The following FAIM2 variants were observed in gnomAD, a reference collection of about 807,000 sequenced individuals.
FAIM2 encodes protein lifeguard 2.
A neutral mutation model predicts 47.4 loss-of-function variants in FAIM2; 27 were observed. That is an observed-to-expected ratio of 0.57 (90% CI 0.42 to 0.78). The LOEUF (loss-of-function observed/expected upper bound fraction) is 0.78. Ranked by LOEUF, FAIM2 falls within the 30% of genes least tolerant of loss-of-function variation. The pLI is 0.00. For synonymous variants in FAIM2, 156 were observed against 159.3 expected (o/e 0.98, Z 0.16); for missense variants, 311 against 389.4 (o/e 0.80, Z 1.69).
chr12:49,876,227 A>G (rs1445488602), intron 11 of FAIM2, among the ~76,000 whole-genome samples: 15 of 152,200 alleles, frequency 9.9e-5, no homozygotes, highest in Non-Finnish European at 1.8e-4. Flanking sequence ...AGTGCTTTAC[A>G]TATATGAATG....
rs1459138331 is a variant in FAIM2 at position 49,869,094 on chromosome 12, A to ACT, written c.*1408_*1409dup. 6.6e-6 allele frequency: 1 copy of ACT among 152,456 alleles called. No homozygotes were observed. The highest frequency in any genetic ancestry group is 2.4e-5 in the African/African-American group (1 of 41,432). 9.4% of individuals were successfully genotyped at this position (152,456 alleles called of 1,614,324 possible). On this transcript the variant is annotated 3_prime_UTR_variant, in exon 12 of 12. Transcript: ENST00000320634. Reference sequence around the variant, plus strand: ...AGAGCCTTCCTGTATCCACACAGTAACTTTCCACTGGCCTGGAGTTGGCCA... The same window carrying ACT: ...AGAGCCTTCCTGTATCCACACAGTAACTCTTTCCACTGGCCTGGAGTTGGCCA...
chr12:49,889,250 G>A (rs1565617575), intron 9 of FAIM2, 48 bp from the exon 10 acceptor site: 8 of 1,481,836 alleles, frequency 5.4e-6, no homozygotes, highest in Non-Finnish European at 7.4e-6. Context: ...TGACCTTCCT[G>A]GGGCCCCAAC....
At chr12:49,902,863 G>A (rs1482962711) in intron 1 of FAIM2, 1 of 152,152 alleles carries the variant, frequency 6.6e-6, no homozygotes, top group African/African-American at 2.4e-5. Context: ...GGCGGGAGGT[G>A]GTATCACCCA....
chr12:49,878,010 G>A (rs1489837921), intron 11 of FAIM2, among the ~76,000 whole-genome samples: 2 of 151,580 alleles, frequency 1.3e-5, no homozygotes, highest in Non-Finnish European at 2.9e-5. Context: ...GCATGTGCAT[G>A]TGTGTATGTG....
intron 3 of FAIM2, 87 bp from the exon 4 acceptor site, chr12:49,897,670 CCCATCCTGTGCACT>C: frequency 1.0e-6 from 1 of 977,262 alleles, no homozygotes. Flanking sequence ...TCTCCAGGTC[CCCATCCTGTGCACT>C]CCACCCTCCT....
chr12:49,901,092 C>A, intron 2 of FAIM2, 38 bp downstream of exon 2: 1 of 1,502,046 alleles, frequency 6.7e-7, no homozygotes, highest in Non-Finnish European at 8.9e-7. Context: ...CCACCCCCAC[C>A]CCATGATGCT....
rs1946979510 is a variant in FAIM2 at position 49,901,209 on chromosome 12, C to T, written c.132G>A (p.Gly44=). The part of the protein sequence containing the change: ...APPSYEEATS[G]EGMKAGAFPP... ...GGAAGGCCCCTGCCTTCATCCCCTCCCCAGAGGTGGCTTCCTCATAGGAGG... is the reference window on the plus strand; with the variant it reads ...GGAAGGCCCCTGCCTTCATCCCCTCTCCAGAGGTGGCTTCCTCATAGGAGG... Residue 44 remains glycine, a synonymous_variant, in exon 2 of 12, where the codon GGG becomes GGA. Transcript: ENST00000320634. 1.2e-6 allele frequency: 2 copies of T among 1,611,904 alleles called. No homozygotes were observed. The highest frequency in any genetic ancestry group is 4.5e-5 in the East Asian group (2 of 44,568).
Position 49,874,954 on chromosome 12 carries a change from T to C in FAIM2, c.802-4301A>G, listed in dbSNP as rs942753401. 2.6e-5 allele frequency among the ~76,000 whole-genome samples: 4 copies of C among 152,176 alleles called. No homozygotes were observed. The highest frequency in any genetic ancestry group is 1.9e-4 in the East Asian group (1 of 5,190). Reference sequence around the variant, plus strand: ...CAAGTTGTGAAAAATCTATATCGTATGATCCCATAAAACTATACACGTCAG... The same window carrying C: ...CAAGTTGTGAAAAATCTATATCGTACGATCCCATAAAACTATACACGTCAG... On this transcript the variant is annotated intron_variant, in intron 11 of 11. Transcript: ENST00000320634. The surrounding 1 kb of genome is among the most constrained non-coding windows in gnomAD (Gnocchi z 4.2).
Position 49,889,116 on chromosome 12 carries a change from G to A in FAIM2, c.738C>T (p.Pro246=). The change falls in exon 10 of 12, where the codon CCC becomes CCT. Residue 246 remains proline, a synonymous_variant. Coordinates refer to ENST00000320634, the MANE Select transcript of FAIM2 (RefSeq NM_012306.4). ...FSGLILAILL[P]FQYVPWLHAV... ...GGACCCAGAGACTCACATATTGGAAGGGTAGGAGGATGGCCAGGATGAGTC... is the reference window on the plus strand; with the variant it reads ...GGACCCAGAGACTCACATATTGGAAAGGTAGGAGGATGGCCAGGATGAGTC... 2.5e-6 allele frequency: 4 copies of A among 1,609,192 alleles called. No homozygotes were observed. The highest frequency in any genetic ancestry group is 3.4e-6 in the Non-Finnish European group (4 of 1,177,526).
At chr12:49,898,164 T>C in intron 2 of FAIM2, 74 bp from the exon 3 acceptor site, 1 of 1,148,586 alleles carries the variant, frequency 8.7e-7, no homozygotes, top group Non-Finnish European at 1.3e-6. Context: ...AGCCCCCAAC[T>C]CAAAGCTGCC....
intron 11 of FAIM2, among the ~76,000 whole-genome samples, chr12:49,882,785 CAT>C (rs1301753781): frequency 6.6e-6 from 1 of 152,184 alleles, no homozygotes. Flanking sequence ...ATGCCACAAA[CAT>C]CTCCTGGGTA....
At chr12:49,871,845 T>C (rs928385636) in intron 11 of FAIM2, among the ~76,000 whole-genome samples, 4 of 152,108 alleles carry the variant, frequency 2.6e-5, no homozygotes, top group Admixed American at 1.3e-4. Flanking sequence ...TTTGTATTTT[T>C]AGCAGAGACG....
chr12:49,898,000 A>G lies in FAIM2; in HGVS notation c.302T>C (p.Val101Ala). ...GAGGGGCATTACCTTTCTGACAAAG[A>G]CTCGACGAACTTTCTGGTCATCCCA... Reference protein sequence around the residue: ...FSWDDQKVRRVFVRKVYTILL... With the variant: ...FSWDDQKVRRAFVRKVYTILL... The change falls in exon 3 of 12, where the codon GTC (valine) becomes GCC (alanine). Residue 101 changes from valine (V) to alanine (A), a missense_variant. By Grantham distance (64) the Val-to-Ala change is moderately conservative. Coordinates refer to ENST00000320634, the MANE Select transcript of FAIM2 (RefSeq NM_012306.4). 6.2e-7 allele frequency: 1 copy of G among 1,613,354 alleles called. No individual in the cohort carries two copies. Among genetic ancestry groups the G allele is most frequent in the Non-Finnish European group, 8.5e-7 (1 of 1,179,586 alleles).
At chr12:49,888,699 G>C (rs1292823920) in intron 10 of FAIM2, among the ~76,000 whole-genome samples, 1 of 152,148 alleles carries the variant, frequency 6.6e-6, no homozygotes, top group African/African-American at 2.4e-5. Flanking sequence ...GCTAGATTCT[G>C]CCTCTTTGGA....
At chr12:49,880,649 T>C (rs1242288828) in intron 11 of FAIM2, among the ~76,000 whole-genome samples, 1 of 151,988 alleles carries the variant, frequency 6.6e-6, no homozygotes, top group African/African-American at 2.4e-5. Context: ...TGCATGTGTA[T>C]CTGTGAGTGC....
At chr12:49,895,118 C>T (rs1238120295) in intron 5 of FAIM2, among the ~76,000 whole-genome samples, 1 of 152,026 alleles carries the variant, frequency 6.6e-6, no homozygotes, top group Non-Finnish European at 1.5e-5. Flanking sequence ...AGGGCAGCAT[C>T]CCAGCAGTGA....
At chr12:49,900,241 G>GGT in intron 2 of FAIM2, 1 of 1,284,648 alleles carries the variant, frequency 7.8e-7, no homozygotes, top group South Asian at 1.2e-5. Flanking sequence ...TGTAGACCAT[G>GGT]GTGGCTACTC....
At chr12:49,880,930 C>T (rs1008445694) in intron 11 of FAIM2, among the ~76,000 whole-genome samples, 2 of 151,914 alleles carry the variant, frequency 1.3e-5, no homozygotes, top group East Asian at 1.9e-4. Context: ...TTGGCTTCAG[C>T]GCATGCTCAG....
rs766414434 is a variant in FAIM2, at chr12:49,889,577, C to G, written c.564-9G>C. 3 of 1,613,304 alleles carry G rather than the reference C, an allele frequency of 1.9e-6. No homozygotes were observed. Among genetic ancestry groups the G allele is most frequent in the Non-Finnish European group, 2.5e-6 (3 of 1,179,372 alleles). ...AGGTGGTGTTGTAGTAGCTGAGGAC[C>G]GTCAGGCCGAGGGGTCAGCTCTCAG... On this transcript the variant is annotated splice_polypyrimidine_tract_variant and intron_variant, in intron 8 of 11. Coordinates refer to ENST00000320634, the MANE Select transcript of FAIM2 (RefSeq NM_012306.4).
Sources: allele counts gnomAD v4.1 joint callset (sites outside exome capture counted in the v4.1 genomes callset), GRCh38; gene constraint gnomAD v4.1.1; non-coding constraint Gnocchi (gnomAD v3.1); transcripts MANE v1.5; gene names NCBI Gene and HGNC (gene_info 2026-07-23, HGNC 2026-07-21).